ZNF541: variants seen among roughly 807,000 people sequenced by gnomAD.
ZNF541 encodes zinc finger protein 541.
In ZNF541, 23 loss-of-function variants were observed where a neutral mutation model predicts 123.5. The ratio of observed to expected loss-of-function variants is 0.19; its 90% CI spans 0.13 to 0.26. The LOEUF is 0.26. ZNF541 is among the 10% of genes least tolerant of loss of function. ZNF541 has a pLI of 1.00. For synonymous variants in ZNF541, 751 were observed against 754.5 expected (o/e 1.00, Z 0.08); for missense variants, 1,612 against 1,789.9 (o/e 0.90, Z 1.79).
At chr19:47,548,541 A>C (rs1970463075) in intron 4 of ZNF541, among the ~76,000 whole-genome samples, 1 of 151,918 alleles carries the variant, frequency 6.6e-6, no homozygotes, top group African/African-American at 2.4e-5. Flanking sequence ...GTCTCGTGCT[A>C]TCCCAAAACA....
At chr19:47,530,506 T>C (rs1489256260) in intron 12 of ZNF541, among the ~76,000 whole-genome samples, 1 of 151,866 alleles carries the variant, frequency 6.6e-6, no homozygotes, top group Admixed American at 6.6e-5. Flanking sequence ...TTGACTTTCC[T>C]AAAATGTAAG....
At position 47,521,096 on chromosome 19, in the gene ZNF541, G is replaced by T; in HGVS notation, c.*128C>A. 8.3e-7 allele frequency: 1 copy of T among 1,205,704 alleles called. No homozygotes were observed. Among genetic ancestry groups the T allele is most frequent in the Non-Finnish European group, 1.1e-6 (1 of 880,818 alleles). The allele number at this position is 1,205,704 out of a possible 1,614,324, so 74.7% of individuals were successfully genotyped here. ...CTGTGGCCAAATGCCCTCCATGTTT[G>T]CAGGCAGGTTGGCCAACAGGGGACA... On this transcript the variant is annotated 3_prime_UTR_variant, in exon 17 of 17. Coordinates refer to ENST00000391901, the MANE Select transcript of ZNF541 (RefSeq NM_001277075.3). This position sits in a 1 kb window ranked among gnomAD's most constrained non-coding sequence, Gnocchi z 4.2.
At chr19:47,552,737 C>A (rs1970653608) in intron 3 of ZNF541, among the ~76,000 whole-genome samples, 1 of 34,488 alleles carries the variant, frequency 2.9e-5, no homozygotes, top group Non-Finnish European at 4.6e-5. Flanking sequence ...AGCGAGACTC[C>A]ATCTCAAAAA....
At chr19:47,552,695 A>G (rs1370800747) in intron 3 of ZNF541, among the ~76,000 whole-genome samples, 1 of 119,664 alleles carries the variant, frequency 8.4e-6, no homozygotes, top group African/African-American at 3.1e-5. Flanking sequence ...GTGAGCCGAG[A>G]TCGCACCACT....
At chr19:47,541,743 C>A (rs1345938046) in intron 5 of ZNF541, among the ~76,000 whole-genome samples, 2 of 152,174 alleles carry the variant, frequency 1.3e-5, no homozygotes, top group Non-Finnish European at 2.9e-5. Flanking sequence ...ATAATTTAAA[C>A]AAACCACGGA....
chr19:47,560,921 G>A (rs1443736339), intron 2 of ZNF541, among the ~76,000 whole-genome samples: 1 of 152,102 alleles, frequency 6.6e-6, no homozygotes, highest in Non-Finnish European at 1.5e-5. Context: ...CAATGACATG[G>A]AGGAACCTTA....
At chr19:47,565,270 T>A (rs1383373150) in intron 2 of ZNF541, among the ~76,000 whole-genome samples, 1 of 152,082 alleles carries the variant, frequency 6.6e-6, no homozygotes, top group Non-Finnish European at 1.5e-5. Context: ...CTTACTCATA[T>A]AACCGAGTAC....
rs970169430 is a variant in ZNF541, at chr19:47,545,101, G to T, written c.1428C>A (p.Ala476=). The T allele has an allele frequency of 5.4e-6, 8 of 1,479,802 alleles. No homozygotes were observed. Among genetic ancestry groups the T allele is most frequent in the South Asian group, 5.3e-5 (4 of 75,988 alleles). 91.7% of individuals were successfully genotyped at this position (1,479,802 alleles called of 1,614,324 possible). A position where few individuals can be genotyped will look rare whatever the true frequency, so the allele number is the denominator to read the frequency against. The change falls in exon 5 of 17, where the codon GCC becomes GCA. Residue 476 remains alanine (A), a synonymous_variant. Coordinates refer to ENST00000391901, the MANE Select transcript of ZNF541 (RefSeq NM_001277075.3). This position sits in a 1 kb window ranked among gnomAD's most constrained non-coding sequence, Gnocchi z 7.5. ...CCTCCGCGGGGACCCTGAGGAGCGC[G>T]GCAGGGAAGGGCAGAGCATCCTCCA... The part of the protein sequence containing the change: ...GGLEDALPFP[A]ALLRVPAEAP...
chr19:47,552,315 ACAG>A (rs1281190871), intron 3 of ZNF541, among the ~76,000 whole-genome samples: 1 of 152,200 alleles, frequency 6.6e-6, no homozygotes, highest in Non-Finnish European at 1.5e-5. Context: ...TGTGACAGAC[ACAG>A]CAGAAGGGAA....
At chr19:47,529,793 G>A (rs2122939798) in intron 12 of ZNF541, 141 bp from the exon 13 acceptor site, 1 of 722,390 alleles carries the variant, frequency 1.4e-6, no homozygotes, top group East Asian at 2.7e-5. Context: ...TGCCCTGGAT[G>A]GGCCACCAGC....
intron 12 of ZNF541, 136 bp from the exon 13 acceptor site, chr19:47,529,788 T>C (rs1164015999): frequency 2.6e-6 from 2 of 762,282 alleles, no homozygotes; most frequent in Non-Finnish European, 4.3e-6. Context: ...AAAGTTGCCC[T>C]GGATGGGCCA....
intron 5 of ZNF541, among the ~76,000 whole-genome samples, chr19:47,541,414 C>CA (rs200026695): frequency 5.6e-4 from 81 of 145,642 alleles, no homozygotes; most frequent in Admixed American, 6.8e-4. Context: ...GACCCTGTCT[C>CA]AAAAAAAAAT....
intron 14 of ZNF541, among the ~76,000 whole-genome samples, chr19:47,524,880 A>T (rs1969213015): frequency 6.6e-6 from 1 of 152,124 alleles, no homozygotes; most frequent in African/African-American, 2.4e-5. Flanking sequence ...CCTAGATCTT[A>T]AAAGAAATAA....
chr19:47,525,417 G>C (rs1317287799), intron 14 of ZNF541, among the ~76,000 whole-genome samples: 1 of 151,964 alleles, frequency 6.6e-6, no homozygotes. Context: ...TACTTAGAAA[G>C]TTCATATGGT....
At chr19:47,524,059 G>A (rs1051736704) in intron 14 of ZNF541, among the ~76,000 whole-genome samples, 7 of 152,182 alleles carry the variant, frequency 4.6e-5, no homozygotes, top group African/African-American at 1.7e-4. Flanking sequence ...GATGCAGGGG[G>A]CACTGGGTAG....
chr19:47,521,967 C>T lies in ZNF541; in HGVS notation c.3598G>A (p.Val1200Ile), dbSNP rs768036432. The change falls in exon 15 of 17, where the codon GTT (valine) becomes ATT (isoleucine). Residue 1200 changes from valine (V) to isoleucine (I), a missense_variant. Val to Ile is a conservative substitution (Grantham distance 29). Transcript: ENST00000391901. This position sits in a 1 kb window ranked among gnomAD's most constrained non-coding sequence, Gnocchi z 4.2. ...TTTTTCCAGATGTAATAATACTCAACGCACTGAGCTACCGTCTTTGTCTGG... is the reference window on the plus strand; with the variant it reads ...TTTTTCCAGATGTAATAATACTCAATGCACTGAGCTACCGTCTTTGTCTGG... ...MIQTKTVAQC[V>I]EYYYIWKKMI... 75 of 1,552,050 alleles carry T rather than the reference C, an allele frequency of 4.8e-5. No individual in the cohort carries two copies. The highest frequency in any genetic ancestry group is 3.6e-5 in the South Asian group (3 of 84,064).
At chr19:47,569,681 A>T (rs1233010645) in intron 2 of ZNF541, among the ~76,000 whole-genome samples, 10 of 151,822 alleles carry the variant, frequency 6.6e-5, no homozygotes, top group Non-Finnish European at 1.5e-5. Flanking sequence ...CGGGCAACAA[A>T]GTGAGATCCC....
chr19:47,521,636 C>G lies in ZNF541; in HGVS notation c.3730G>C (p.Glu1244Gln). 6.4e-7 allele frequency: 1 copy of G among 1,551,668 alleles called. No individual in the cohort carries two copies. Among genetic ancestry groups the G allele is most frequent in the Non-Finnish European group, 8.7e-7 (1 of 1,146,950 alleles). The change falls in exon 16 of 17, where the codon GAG (glutamate) becomes CAG (glutamine). Residue 1244 changes from glutamate to glutamine, a missense_variant. By Grantham distance (29) the Glu-to-Gln change is conservative. Coordinates refer to ENST00000391901, the MANE Select transcript of ZNF541 (RefSeq NM_001277075.3). The surrounding 1 kb of genome is among the most constrained non-coding windows in gnomAD (Gnocchi z 4.2). ...TEEKVPCSPR[E>Q]RPSHHPTPKL... ...GGAGTTGGATGGTGGCTGGGTCTCT[C>G]CCGAGGGCTGCATGGGACCTGCAGA...
intron 8 of ZNF541, among the ~76,000 whole-genome samples, chr19:47,539,297 CTTTTT>C (rs1001789975): frequency 7.9e-6 from 1 of 125,834 alleles, no homozygotes; most frequent in African/African-American, 3.0e-5. Flanking sequence ...TCAAGATTTT[CTTTTT>C]TTTTTTTTTT....
Sources: gnomAD v4.1 joint callset for allele counts (sites outside exome capture counted in the v4.1 genomes callset) on GRCh38, gnomAD v4.1.1 for gene constraint, Gnocchi (gnomAD v3.1) non-coding constraint, MANE v1.5 for transcripts, NCBI Gene and HGNC (gene_info 2026-07-23, HGNC 2026-07-21) for gene names.